The following MLIP variants were observed in gnomAD, a reference collection of about 807,000 sequenced individuals.
MLIP encodes the protein muscular LMNA interacting protein, also known as muscular LMNA-interacting protein.
MLIP carries 79 observed loss-of-function variants against 84.8 expected under a neutral mutation model. The observed-to-expected ratio is 0.93, with a 90% confidence interval of 0.78 to 1.12. The LOEUF (loss-of-function observed/expected upper bound fraction) is 1.12, where lower values mean the gene tolerates loss of function less well. Among genes scored for constraint, MLIP ranks in the 50% most tolerant of loss-of-function variants. The pLI is 0.00. For synonymous variants in MLIP, 504 were observed against 463.0 expected (o/e 1.09, Z -1.14); for missense variants, 1,257 against 1,160.6 (o/e 1.08, Z -1.21).
At chr6:54,101,374 C>T (rs1768633074) in intron 1 of MLIP, among the ~76,000 whole-genome samples, 2 of 151,718 alleles carry the variant, frequency 1.3e-5, no homozygotes, top group Non-Finnish European at 2.9e-5. Context: ...TTATTGGGTA[C>T]CTACTATGTG....
At position 54,136,664 on chromosome 6, in the gene MLIP, C is replaced by A; in HGVS notation, c.646-51C>A. On this transcript the variant is annotated intron_variant, in intron 3 of 13. Coordinates refer to ENST00000502396, the MANE Select transcript of MLIP (RefSeq NM_001281747.2). Reference sequence around the variant, plus strand: ...GCACAAGTGACAAGAATATTTTGATCGTTTCACAAATAATGTCCTATTTCA... The same window carrying A: ...GCACAAGTGACAAGAATATTTTGATAGTTTCACAAATAATGTCCTATTTCA... 3 of 1,367,080 alleles carry A rather than the reference C, an allele frequency of 2.2e-6. No homozygotes were observed. In the South Asian group the frequency reaches 5.6e-5, roughly 26 times the overall value. The allele number at this position is 1,367,080 out of a possible 1,614,324, so 84.7% of individuals were successfully genotyped here.
intron 11 of MLIP, among the ~76,000 whole-genome samples, chr6:54,219,479 A>G (rs1053012124): frequency 5.4e-5 from 8 of 149,042 alleles, no homozygotes; most frequent in Admixed American, 6.8e-5. Flanking sequence ...ATGTTAATCT[A>G]TGGGACCACC....
chr6:54,213,342 A>G (rs1411966687), intron 11 of MLIP, among the ~76,000 whole-genome samples: 1 of 152,176 alleles, frequency 6.6e-6, no homozygotes, highest in East Asian at 1.9e-4. Flanking sequence ...AACAATATAA[A>G]TGCTTCATTT....
Position 54,137,605 on chromosome 6 carries a change from A to C in MLIP, c.1536A>C (p.Lys512Asn). 6.5e-7 allele frequency: 1 copy of C among 1,535,964 alleles called. No homozygotes were observed. ...AGGCGCCCTCCCTCTCTCCTACAAAACAGGCTAGTAGCAGCCTTGCTTCCA... is the reference window on the plus strand; with the variant it reads ...AGGCGCCCTCCCTCTCTCCTACAAACCAGGCTAGTAGCAGCCTTGCTTCCA... ...LSQAPSLSPTKQASSSLASMN... is the reference protein window; with the variant it reads ...LSQAPSLSPTNQASSSLASMN... Residue 512 changes from lysine (K) to asparagine (N), a missense_variant, in exon 4 of 14, where the codon AAA becomes AAC. Physicochemically the swap from Lys to Asn is moderately conservative, Grantham distance 94. Coordinates refer to ENST00000502396, the MANE Select transcript of MLIP (RefSeq NM_001281747.2).
At chr6:54,052,835 G>A (rs932728434) in intron 1 of MLIP, among the ~76,000 whole-genome samples, 8 of 152,120 alleles carry the variant, frequency 5.3e-5, no homozygotes, top group African/African-American at 1.9e-4. Flanking sequence ...AATCTCTATT[G>A]GTTTCTAAAG....
At chr6:54,166,836 A>C (rs1775245751) in intron 8 of MLIP, among the ~76,000 whole-genome samples, 1 of 151,940 alleles carries the variant, frequency 6.6e-6, no homozygotes, top group South Asian at 2.1e-4. Context: ...ACTTCTAACA[A>C]ATGTCTTATC....
chr6:54,030,573 CT>C, intron 1 of MLIP: 1 of 106,380 alleles, frequency 9.4e-6, no homozygotes, highest in Non-Finnish European at 1.8e-5. Context: ...AACACAGCAA[CT>C]ATTTTTTTTT....
At chr6:54,263,934 C>T (rs946617454) in intron 13 of MLIP, among the ~76,000 whole-genome samples, 8 of 152,036 alleles carry the variant, frequency 5.3e-5, no homozygotes, top group African/African-American at 1.9e-4. Context: ...TACATGTTCA[C>T]CTTTGTTATT....
At chr6:54,128,185 C>T (rs1479636668) in intron 3 of MLIP, among the ~76,000 whole-genome samples, 2 of 152,100 alleles carry the variant, frequency 1.3e-5, no homozygotes, top group Non-Finnish European at 2.9e-5. Context: ...AGAGATTAGA[C>T]ATCTGATGTT....
intron 11 of MLIP, among the ~76,000 whole-genome samples, chr6:54,224,126 A>G (rs751069074): frequency 1.3e-5 from 2 of 152,094 alleles, no homozygotes; most frequent in Non-Finnish European, 2.9e-5. Context: ...AAAACGATAA[A>G]TAGCTAGAAA....
At position 54,042,319 on chromosome 6, in the gene MLIP, G is replaced by A. The variant is rs531041905; in HGVS notation, c.63+23228G>A. The stretch of plus-strand genomic sequence containing the variant: ...GGACAGGTAGAAGAGGGATGTAGCA[G>A]TTCCTATCTGCTTTCTTCTTCTCCT... On this transcript the variant is annotated intron_variant, in intron 1 of 12. Coordinates refer to the MLIP transcript ENST00000274897. Among the ~76,000 whole-genome samples, 10 of 152,168 alleles carry A rather than the reference G, an allele frequency of 6.6e-5. No homozygotes were observed. The South Asian group carries it at 2.1e-3, about 32-fold the overall frequency.
intron 11 of MLIP, among the ~76,000 whole-genome samples, chr6:54,227,107 T>C (rs1294750424): frequency 6.6e-6 from 1 of 152,168 alleles, no homozygotes; most frequent in Non-Finnish European, 1.5e-5. Flanking sequence ...TCAGGTTGTT[T>C]AATATGTGTA....
At chr6:54,169,326 T>G (rs1488654558) in intron 8 of MLIP, among the ~76,000 whole-genome samples, 2 of 151,744 alleles carry the variant, frequency 1.3e-5, no homozygotes, top group Non-Finnish European at 3.0e-5. Flanking sequence ...AAGGAGAAAT[T>G]ACCAGAAAGC....
rs150812786 is a variant in MLIP, at chr6:54,137,500, T to A, written c.1431T>A (p.Asp477Glu). 9.8e-6 allele frequency: 15 copies of A among 1,536,074 alleles called. No individual in the cohort carries two copies. Among genetic ancestry groups the A allele is most frequent in the South Asian group, 2.4e-5 (2 of 84,060 alleles). ...GTTCCCTGAGAGCCGGGTCACCAGA[T>A]CAAGGGGAACTCCAGGTTTCTGAAT... is the stretch of plus-strand genomic sequence containing the variant. Reference protein sequence around the residue: ...SSCSLRAGSPDQGELQVSELT... With the variant: ...SSCSLRAGSPEQGELQVSELT... The change falls in exon 4 of 14, where the codon GAT (aspartate) becomes GAA (glutamate). Residue 477 changes from aspartate (D) to glutamate (E), a missense_variant. Physicochemically the swap from Asp to Glu is conservative, Grantham distance 45. Transcript: ENST00000502396.
intron 1 of MLIP, among the ~76,000 whole-genome samples, chr6:54,050,585 GT>G (rs1021287267): frequency 6.6e-6 from 1 of 152,006 alleles, no homozygotes; most frequent in South Asian, 2.1e-4. Context: ...TATAATTTGA[GT>G]TTTTTTGTTT....
At chr6:54,246,172 T>A (rs1479092307) in intron 12 of MLIP, among the ~76,000 whole-genome samples, 2 of 152,158 alleles carry the variant, frequency 1.3e-5, no homozygotes, top group African/African-American at 4.8e-5. Flanking sequence ...TCCTCAGGTT[T>A]TATAAAAATA....
At chr6:54,050,014 G>A (rs1354799798) in intron 1 of MLIP, among the ~76,000 whole-genome samples, 1 of 152,062 alleles carries the variant, frequency 6.6e-6, no homozygotes, top group Non-Finnish European at 1.5e-5. Context: ...TACATGATTT[G>A]ATACATTGCA....
chr6:54,205,572 GT>G (rs1426281379), intron 11 of MLIP, among the ~76,000 whole-genome samples: 1 of 151,640 alleles, frequency 6.6e-6, no homozygotes, highest in Admixed American at 6.6e-5. Context: ...TGACAGAAAT[GT>G]ATTTACTGTA....
intron 1 of MLIP, among the ~76,000 whole-genome samples, chr6:54,073,971 A>G (rs1443227448): frequency 6.6e-6 from 1 of 152,260 alleles, no homozygotes; most frequent in Non-Finnish European, 1.5e-5. Context: ...GCAATGGGCT[A>G]GTATTCATGA....
Sources: gnomAD v4.1 joint callset for allele counts (sites outside exome capture counted in the v4.1 genomes callset) on GRCh38, gnomAD v4.1.1 for gene constraint, MANE v1.5 for transcripts, NCBI Gene and HGNC (gene_info 2026-07-23, HGNC 2026-07-21) for gene names.